The following APIP variants were observed in gnomAD, a reference collection of about 807,000 sequenced individuals.
The protein encoded by APIP is APAF1 interacting protein.
Under a neutral mutation model 32.0 loss-of-function variants are expected in APIP, and 32 were observed. The observed-to-expected ratio is 1.00, with a 90% confidence interval of 0.76 to 1.34. The LOEUF (loss-of-function observed/expected upper bound fraction) is 1.34, where lower values mean the gene tolerates loss of function less well. APIP is among the 40% of genes most tolerant of loss of function. The pLI, the probability that APIP is intolerant of heterozygous loss-of-function variation, is 0.00. For synonymous variants in APIP, 92 were observed against 94.8 expected (o/e 0.97, Z 0.17); for missense variants, 247 against 298.6 (o/e 0.83, Z 1.27).
chr11:34,886,032 A>T (rs548064794), intron 5 of APIP, among the ~76,000 whole-genome samples: 24 of 152,132 alleles, frequency 1.6e-4, no homozygotes, highest in Non-Finnish European at 2.9e-4. Context: ...TTATGTATTT[A>T]TTACTCTATA....
intron 1 of APIP, among the ~76,000 whole-genome samples, chr11:34,915,633 C>T (rs1426445719): frequency 6.6e-6 from 1 of 152,156 alleles, no homozygotes; most frequent in Non-Finnish European, 1.5e-5. Flanking sequence ...TGTAAATGAC[C>T]GAAAACTACA....
intron 1 of APIP, among the ~76,000 whole-genome samples, chr11:34,912,101 T>C (rs138566539): frequency 3.9e-5 from 6 of 152,266 alleles, no homozygotes; most frequent in Admixed American, 1.3e-4. Flanking sequence ...TCAGTAGGGA[T>C]TTAATTTCAG....
rs1295528970 is a variant in APIP, at chr11:34,890,510, T to C, written c.201A>G (p.Arg67=). The change falls in exon 3 of 7, where the codon CGA becomes CGG. Residue 67 remains arginine, a synonymous_variant. Transcript: ENST00000395787. ...AAGAATCCCATTACCATACCTGAAT[T>C]CGTTCCTTTTGCACTCCTGAAGGAG... ...YIAPSGVQKE[R]IQPEDMFVCD... The C allele has an allele frequency of 6.2e-7, 1 of 1,609,758 alleles. No homozygotes were observed. The highest frequency in any genetic ancestry group is 1.7e-5 in the Admixed American group (1 of 59,604).
At position 34,890,570 on chromosome 11, in the gene APIP, A is replaced by G; in HGVS notation, c.159-18T>C. On this transcript the variant is annotated intron_variant, in intron 2 of 6. Coordinates refer to ENST00000395787, the MANE Select transcript of APIP (RefSeq NM_015957.4). Reference sequence around the variant, plus strand: ...TTTCATCGCTGGCAACACAAAACATACAAATTGGTATTTATTTATTTCCTG... The same window carrying G: ...TTTCATCGCTGGCAACACAAAACATGCAAATTGGTATTTATTTATTTCCTG... 1 of 1,608,426 alleles carries G rather than the reference A, an allele frequency of 6.2e-7. No individual in the cohort carries two copies. The highest frequency in any genetic ancestry group is 8.5e-7 in the Non-Finnish European group (1 of 1,177,112).
At chr11:34,888,677 T>C (rs1241033915) in intron 4 of APIP, 75 bp downstream of exon 4, 2 of 1,269,508 alleles carry the variant, frequency 1.6e-6, no homozygotes, top group East Asian at 2.6e-5. Context: ...AAATGTTAAC[T>C]GAAATAATAA....
intron 1 of APIP, among the ~76,000 whole-genome samples, chr11:34,904,312 G>A (rs1853410227): frequency 6.6e-6 from 1 of 152,186 alleles, no homozygotes; most frequent in African/African-American, 2.4e-5. Flanking sequence ...GGTCTCAAAA[G>A]CACTAGGCAT....
intron 6 of APIP, 44 bp from the exon 7 acceptor site, chr11:34,882,860 A>AGTTCT: frequency 7.8e-7 from 1 of 1,283,760 alleles, no homozygotes; most frequent in Non-Finnish European, 1.1e-6. Context: ...ATCGAAACAG[A>AGTTCT]GTTCTCCAAT....
chr11:34,899,617 G>A (rs563308933), intron 1 of APIP, among the ~76,000 whole-genome samples: 1 of 151,970 alleles, frequency 6.6e-6, no homozygotes. Context: ...CTTGAGATCT[G>A]TTTTTTTTAG....
At chr11:34,888,707 C>G (rs770338613) in intron 4 of APIP, 45 bp downstream of exon 4, 8 of 1,365,454 alleles carry the variant, frequency 5.9e-6, no homozygotes, top group Admixed American at 2.5e-5. Flanking sequence ...TTTAGAGGAG[C>G]CTACTCTGCA....
chr11:34,883,295 C>T (rs777465058), intron 6 of APIP, 42 bp downstream of exon 6: 31 of 1,537,228 alleles, frequency 2.0e-5, no homozygotes, highest in Middle Eastern at 2.4e-4. Context: ...TCACATTTAG[C>T]GGGTGGTAAC....
At chr11:34,889,855 T>TA (rs1565133647) in intron 3 of APIP, among the ~76,000 whole-genome samples, 1 of 152,162 alleles carries the variant, frequency 6.6e-6, no homozygotes, top group East Asian at 1.9e-4. Context: ...ATGGTATATA[T>TA]GTACCACATT....
intron 1 of APIP, among the ~76,000 whole-genome samples, chr11:34,910,769 A>T (rs191373607): frequency 1.3e-3 from 191 of 152,166 alleles, no homozygotes; most frequent in African/African-American, 4.3e-3. Flanking sequence ...ACTAAGAGAG[A>T]TTAAGTAACT....
Position 34,883,524 on chromosome 11 carries a change from AT to A in APIP, c.462-21del. On this transcript the variant is annotated intron_variant, in intron 5 of 6. Transcript: ENST00000395787. Reference sequence around the variant, plus strand: ...TCATATCTGTAAGACAAAACAAGCCATTTTTTTCCATTAAAACAAATCAAGC... The same window carrying A: ...TCATATCTGTAAGACAAAACAAGCCATTTTTTCCATTAAAACAAATCAAGC... 6.2e-7 allele frequency: 1 copy of A among 1,607,136 alleles called. No homozygotes were observed.
At chr11:34,912,789 CGGGATCTT>C in intron 1 of APIP, among the ~76,000 whole-genome samples, 1 of 152,328 alleles carries the variant, frequency 6.6e-6, no homozygotes, top group Non-Finnish European at 1.5e-5. Context: ...CGGCCTATTG[CGGGATCTT>C]GGGTTCACGT....
At chr11:34,903,008 T>C (rs1306165469) in intron 1 of APIP, among the ~76,000 whole-genome samples, 1 of 136,708 alleles carries the variant, frequency 7.3e-6, no homozygotes, top group Non-Finnish European at 1.6e-5. Context: ...GGGAAATGAT[T>C]TAACTGTTTA....
chr11:34,893,918 T>C (rs1202501991), intron 2 of APIP, among the ~76,000 whole-genome samples: 1 of 152,212 alleles, frequency 6.6e-6, no homozygotes, highest in Non-Finnish European at 1.5e-5. Flanking sequence ...ATAAATATTT[T>C]AATAATCCAA....
chr11:34,888,085 T>C (rs2133905034), intron 5 of APIP, among the ~76,000 whole-genome samples: 1 of 152,154 alleles, frequency 6.6e-6, no homozygotes, highest in Non-Finnish European at 1.5e-5. Context: ...TACTAATAAT[T>C]TACCATGGCT....
In APIP at chr11:34,882,832, C is replaced by A. The variant is rs766703748; in HGVS notation, c.630-16G>T. 37 of 1,532,324 alleles carry A rather than the reference C, an allele frequency of 2.4e-5. No individual in the cohort carries two copies. The highest frequency in any genetic ancestry group is 3.2e-5 in the Non-Finnish European group (36 of 1,114,980). 94.9% of individuals were successfully genotyped at this position (1,532,324 alleles called of 1,614,324 possible). A position where few individuals can be genotyped will look rare whatever the true frequency, so the allele number is the denominator to read the frequency against. On this transcript the variant is annotated splice_polypyrimidine_tract_variant and intron_variant, in intron 6 of 6. Coordinates refer to ENST00000395787, the MANE Select transcript of APIP (RefSeq NM_015957.4). ...ACACTCACACCTGTAAAAGAAAAAG[C>A]AAAAAGAACCAGTGTTTATCGAAAC...
intron 1 of APIP, 113 bp downstream of exon 1, chr11:34,916,114 AC>A: frequency 7.1e-7 from 1 of 1,408,272 alleles, no homozygotes. Flanking sequence ...CAGGCCCGAA[AC>A]CCCGCCCCGC....
Sources: gnomAD v4.1 joint callset for allele counts (sites outside exome capture counted in the v4.1 genomes callset) on GRCh38, gnomAD v4.1.1 for gene constraint, MANE v1.5 for transcripts, NCBI Gene and HGNC (gene_info 2026-07-23, HGNC 2026-07-21) for gene names.